ST3GAL3: variants seen among roughly 807,000 people sequenced by gnomAD.
ST3GAL3 encodes CMP-N-acetylneuraminate-beta-1,4-galactoside alpha-2,3-sialyltransferase.
A neutral mutation model predicts 50.1 loss-of-function variants in ST3GAL3; 21 were observed. The observed-to-expected ratio is 0.42, with a 90% CI of 0.30 to 0.60. The LOEUF is 0.60. ST3GAL3 is among the 20% of genes least tolerant of loss of function. The pLI, the probability that ST3GAL3 is intolerant of heterozygous loss-of-function variation, is 0.19. For synonymous variants in ST3GAL3, 183 were observed against 190.0 expected (o/e 0.96, Z 0.30); for missense variants, 353 against 489.4 (o/e 0.72, Z 2.63).
At chr1:43,901,942 C>T (rs1040650452) in intron 9 of ST3GAL3, among the ~76,000 whole-genome samples, 3 of 152,224 alleles carry the variant, frequency 2.0e-5, no homozygotes, top group African/African-American at 7.2e-5. Context: ...CCCGTGGCCT[C>T]ACCTCTCCCA....
intron 3 of ST3GAL3, among the ~76,000 whole-genome samples, chr1:43,811,419 C>G (rs1003420756): frequency 4.6e-5 from 7 of 152,142 alleles, no homozygotes; most frequent in African/African-American, 1.7e-4. Flanking sequence ...CTGATGACCC[C>G]TTTCCATTTT....
At chr1:43,760,481 C>T (rs775347006) in intron 2 of ST3GAL3, among the ~76,000 whole-genome samples, 5 of 152,162 alleles carry the variant, frequency 3.3e-5, no homozygotes, top group Non-Finnish European at 5.9e-5. Flanking sequence ...TCAGGCCAGG[C>T]GCAGTGGCTC....
At chr1:43,835,905 T>C (rs1293035464) in intron 4 of ST3GAL3, among the ~76,000 whole-genome samples, 4 of 152,224 alleles carry the variant, frequency 2.6e-5, no homozygotes, top group African/African-American at 9.6e-5. Context: ...CCTTCTGGAC[T>C]GTCTTCTCCA....
intron 3 of ST3GAL3, among the ~76,000 whole-genome samples, chr1:43,803,773 G>A (rs992171727): frequency 1.3e-5 from 2 of 152,138 alleles, no homozygotes; most frequent in South Asian, 2.1e-4. Flanking sequence ...TTTCAAAGAC[G>A]TCTGAAAAAG....
chr1:43,859,688 C>T (rs2069413208), intron 5 of ST3GAL3, among the ~76,000 whole-genome samples: 1 of 152,214 alleles, frequency 6.6e-6, no homozygotes, highest in African/African-American at 2.4e-5. Context: ...CTCTAAGAAG[C>T]AAATGCCCAA....
At chr1:43,766,864 G>A (rs1038284068) in intron 2 of ST3GAL3, among the ~76,000 whole-genome samples, 2 of 152,132 alleles carry the variant, frequency 1.3e-5, no homozygotes, top group East Asian at 1.9e-4. Context: ...AGCAAAATAA[G>A]AGGAAGTGAC....
At chr1:43,726,617 TAG>T (rs2154078682) in intron 1 of ST3GAL3, among the ~76,000 whole-genome samples, 1 of 152,182 alleles carries the variant, frequency 6.6e-6, no homozygotes, top group African/African-American at 2.4e-5. Context: ...TTTCTTGAGA[TAG>T]AGTCTTGTTT....
At chr1:43,906,139 A>C (rs1441844313) in intron 9 of ST3GAL3, among the ~76,000 whole-genome samples, 12 of 19,066 alleles carry the variant, frequency 6.3e-4, no homozygotes, top group Admixed American at 8.6e-4. Context: ...TCCTCTTCCC[A>C]CCACTGTTCC....
chr1:43,766,474 T>C lies in ST3GAL3; in HGVS notation c.119-25628T>C, dbSNP rs1239890732. ...AAAGCTTTGAGGAAGAGATGGGCAC[T>C]GAAGCAGGGACCTGGCGGTTGGGGT... is the stretch of plus-strand genomic sequence containing the variant. On this transcript the variant is annotated intron_variant, in intron 2 of 11. Coordinates refer to ENST00000347631, the MANE Select transcript of ST3GAL3 (RefSeq NM_006279.5). 1.3e-5 allele frequency among the ~76,000 whole-genome samples: 2 copies of C among 152,188 alleles called. 1 individual carries two copies. The highest frequency in any genetic ancestry group is 4.8e-5 in the African/African-American group (2 of 41,438).
intron 1 of ST3GAL3, among the ~76,000 whole-genome samples, chr1:43,726,039 T>C (rs1672778250): frequency 6.6e-6 from 1 of 152,174 alleles, no homozygotes; most frequent in South Asian, 2.1e-4. Context: ...TTAAAGTGGC[T>C]GCATAAACTC....
At chr1:43,913,250 A>C (rs1378270277) in intron 9 of ST3GAL3, 1 of 152,160 alleles carries the variant, frequency 6.6e-6, no homozygotes, top group Admixed American at 6.5e-5. Flanking sequence ...CCTCTGTGAC[A>C]CTCACTATAA....
chr1:43,716,240 T>C (rs1042721623), intron 1 of ST3GAL3, among the ~76,000 whole-genome samples: 4 of 152,232 alleles, frequency 2.6e-5, no homozygotes, highest in East Asian at 1.9e-4. Context: ...TTGGAGTATC[T>C]GCTAGGTGCC....
rs529032169 is a variant in ST3GAL3, at chr1:43,768,522, A to G, written c.119-23580A>G. Among the ~76,000 whole-genome samples the G allele has an allele frequency of 5.3e-5, 8 of 152,332 alleles. No individual in the cohort carries two copies. The South Asian group carries it at 1.2e-3, about 24-fold the overall frequency. On this transcript the variant is annotated intron_variant, in intron 2 of 11. Transcript: ENST00000347631. ...ATTGTGGAGGTCAGGGAGGAGAGAAATTGAAGCACAAGTGCCAGTGAACAA... is the reference window on the plus strand; with the variant it reads ...ATTGTGGAGGTCAGGGAGGAGAGAAGTTGAAGCACAAGTGCCAGTGAACAA...
chr1:43,891,244 A>G (rs1349818495), intron 5 of ST3GAL3, among the ~76,000 whole-genome samples: 1 of 152,228 alleles, frequency 6.6e-6, no homozygotes, highest in African/African-American at 2.4e-5. Flanking sequence ...AAAAGACTCC[A>G]CTGGCCAAAG....
rs150958746 is a variant in ST3GAL3, at chr1:43,735,269, C to G, written c.-30-964C>G. On this transcript the variant is annotated intron_variant, in intron 1 of 11. Transcript: ENST00000347631. ...TTGTTACTCGACATGGCACAAGGGA[C>G]TTCACAGATATAATTAAGGTTTTGG... is the stretch of plus-strand genomic sequence containing the variant. Among the ~76,000 whole-genome samples the G allele has an allele frequency of 4.5e-3, 690 of 152,256 alleles. 7 individuals are homozygous for G. The highest frequency in any genetic ancestry group is 0.018 in the South Asian group (87 of 4,824).
intron 2 of ST3GAL3, among the ~76,000 whole-genome samples, chr1:43,780,159 C>T (rs964326088): frequency 4.6e-5 from 7 of 152,068 alleles, no homozygotes; most frequent in African/African-American, 1.7e-4. Context: ...CTGAAAATGT[C>T]TTTATTCTGA....
intron 4 of ST3GAL3, among the ~76,000 whole-genome samples, chr1:43,829,995 CTTTTTTTTTTTTTTTTTT>C (rs71579312): frequency 4.3e-5 from 3 of 70,130 alleles, no homozygotes; most frequent in South Asian, 7.9e-4. Flanking sequence ...ATAAAAATTC[CTTTTTTTTTTTTTTTTTT>C]TTTTTTTTTT....
intron 5 of ST3GAL3, among the ~76,000 whole-genome samples, chr1:43,856,088 C>T (rs568298917): frequency 2.6e-5 from 4 of 152,208 alleles, no homozygotes; most frequent in Admixed American, 6.5e-5. Flanking sequence ...TGACTGATCT[C>T]GTCACATTCT....
chr1:43,855,668 AAAAACTCT>A (rs2068215400), intron 5 of ST3GAL3, among the ~76,000 whole-genome samples: 1 of 152,184 alleles, frequency 6.6e-6, no homozygotes, highest in East Asian at 1.9e-4. Flanking sequence ...TGAGAATCCC[AAAAACTCT>A]AAAACCCTGA....
Sources: allele counts gnomAD v4.1 joint callset (sites outside exome capture counted in the v4.1 genomes callset), GRCh38; gene constraint gnomAD v4.1.1; transcripts MANE v1.5; gene names NCBI Gene and HGNC (gene_info 2026-07-23, HGNC 2026-07-21).